Variants in HOGA1 observed in about 807,000 individuals in gnomAD.
HOGA1 encodes 4-hydroxy-2-oxoglutarate aldolase 1, also known as 4-hydroxy-2-oxoglutarate aldolase, mitochondrial.
HOGA1 carries 30 observed loss-of-function variants against 34.3 expected under a neutral mutation model. That is an observed-to-expected ratio of 0.87 (90% CI 0.65 to 1.19). HOGA1 has a LOEUF of 1.19. Among genes scored for constraint, HOGA1 ranks in the 50% most tolerant of loss-of-function variants. The probability of loss-of-function intolerance (pLI) is 0.00; values close to 1 mark genes in which losing one functional copy is unlikely to be tolerated. For synonymous variants in HOGA1, 161 were observed against 174.0 expected (o/e 0.93, Z 0.59); for missense variants, 417 against 436.5 (o/e 0.96, Z 0.40).
chr10:97,611,999 C>G lies in HOGA1; in HGVS notation c.*340C>G. ...GGAAGGGCAGAGGGGCAAGTAGGCACAGTAAGGGAATTTTCTTTTCTTTTT... is the reference window on the plus strand; with the variant it reads ...GGAAGGGCAGAGGGGCAAGTAGGCAGAGTAAGGGAATTTTCTTTTCTTTTT... On this transcript the variant is annotated 3_prime_UTR_variant, in exon 7 of 7. Coordinates refer to ENST00000370646, the MANE Select transcript of HOGA1 (RefSeq NM_138413.4). 2 of 255,922 alleles carry G rather than the reference C, an allele frequency of 7.8e-6. No individual in the cohort carries two copies. The highest frequency in any genetic ancestry group is 1.5e-5 in the Non-Finnish European group (2 of 133,660). The allele number at this position is 255,922 out of a possible 1,614,324, so 15.9% of individuals were successfully genotyped here. A position where few individuals can be genotyped will look rare whatever the true frequency, so the allele number is the denominator to read the frequency against.
In HOGA1 at chr10:97,603,907, A is replaced by C. The variant is rs898519887; in HGVS notation, c.834+1917A>C. ...TATAGATTCCCATGCAACTTTAAGA[A>C]CTAATACAAAGGGATCCCATGTACC... On this transcript the variant is annotated intron_variant, in intron 6 of 6. Transcript: ENST00000370646. This position sits in a 1 kb window ranked among gnomAD's most constrained non-coding sequence, Gnocchi z 4.5. 4.6e-5 allele frequency among the ~76,000 whole-genome samples: 7 copies of C among 152,202 alleles called. No individual in the cohort carries two copies. The highest frequency in any genetic ancestry group is 1.4e-4 in the African/African-American group (6 of 41,458).
At position 97,611,992 on chromosome 10, in the gene HOGA1, G is replaced by T; in HGVS notation, c.*333G>T. The T allele has an allele frequency of 1.1e-5, 3 of 284,794 alleles. No homozygotes were observed. The highest frequency in any genetic ancestry group is 1.3e-5 in the Non-Finnish European group (2 of 150,068). 17.6% of individuals were successfully genotyped at this position (284,794 alleles called of 1,614,324 possible). Reference sequence around the variant, plus strand: ...TCAGAAAGGAAGGGCAGAGGGGCAAGTAGGCACAGTAAGGGAATTTTCTTT... The same window carrying T: ...TCAGAAAGGAAGGGCAGAGGGGCAATTAGGCACAGTAAGGGAATTTTCTTT... On this transcript the variant is annotated 3_prime_UTR_variant, in exon 7 of 7. Transcript: ENST00000370646.
chr10:97,602,516 A>C (rs755142414), intron 6 of HOGA1: 597 of 985,408 alleles, frequency 6.1e-4, no homozygotes, highest in Non-Finnish European at 7.0e-4. Context: ...TTCAGAGAGA[A>C]CGCCCATCAA....
rs923453229 is a variant in HOGA1 at position 97,601,937 on chromosome 10, C to A, written c.781C>A (p.Gln261Lys). 6.2e-7 allele frequency: 1 copy of A among 1,613,168 alleles called. No homozygotes were observed. The highest frequency in any genetic ancestry group is 8.5e-7 in the Non-Finnish European group (1 of 1,179,954). The change falls in exon 6 of 7, where the codon CAA (glutamine) becomes AAA (lysine). Residue 261 changes from glutamine (Q) to lysine (K), a missense_variant. Physicochemically the swap from Gln to Lys is moderately conservative, Grantham distance 53. Coordinates refer to ENST00000370646, the MANE Select transcript of HOGA1 (RefSeq NM_138413.4). ...GCTGGAGCGACTGTGCTGCACGGGG[C>A]AATGGGAAGATGCCCAGAAACTGCA... The part of the protein sequence containing the change: ...CQLERLCCTG[Q>K]WEDAQKLQHR...
At position 97,601,997 on chromosome 10, in the gene HOGA1, C is replaced by A; in HGVS notation, c.834+7C>A. 1 of 1,610,314 alleles carries A rather than the reference C, an allele frequency of 6.2e-7. No homozygotes were observed. The highest frequency in any genetic ancestry group is 1.1e-5 in the South Asian group (1 of 90,286). On this transcript the variant is annotated splice_region_variant and intron_variant, in intron 6 of 6. Coordinates refer to ENST00000370646, the MANE Select transcript of HOGA1 (RefSeq NM_138413.4). ...CATTGAGCCAAACGCTGCGGTGAGC[C>A]AGTGGCAGCGGGGGCGCGGCCTGGC...
At chr10:97,598,690 A>AT (rs2041089537) in intron 1 of HOGA1, 85 bp from the exon 2 acceptor site, 1 of 1,521,068 alleles carries the variant, frequency 6.6e-7, no homozygotes, top group Non-Finnish European at 9.1e-7. Flanking sequence ...TGTGTGAAAG[A>AT]TTATGGTGTC....
chr10:97,598,646 TG>T, intron 1 of HOGA1, 128 bp from the exon 2 acceptor site: 1 of 1,191,060 alleles, frequency 8.4e-7, no homozygotes, highest in Non-Finnish European at 1.3e-6. Flanking sequence ...TGCAGCTGTG[TG>T]GGAACCTTCT....
In HOGA1 at chr10:97,611,601, T is replaced by C. The variant is rs758412400; in HGVS notation, c.926T>C (p.Leu309Pro). 1.2e-6 allele frequency: 2 copies of C among 1,614,196 alleles called. No homozygotes were observed. Among genetic ancestry groups the C allele is most frequent in the East Asian group, 4.5e-5 (2 of 44,882 alleles). Residue 309 changes from leucine (L) to proline (P), a missense_variant, in exon 7 of 7, where the codon CTG becomes CCG. Physicochemically the swap from Leu to Pro is moderately conservative, Grantham distance 98 (BLOSUM62 -3). Coordinates refer to ENST00000370646, the MANE Select transcript of HOGA1 (RefSeq NM_138413.4). ...CCCTGCCGCGCCCCCTTGCAGGAGC[T>C]GAGCCCCGCTGAGGAGGAGGCACTG... is the stretch of plus-strand genomic sequence containing the variant. ...GGPCRAPLQE[L>P]SPAEEEALRM...
intron 6 of HOGA1, chr10:97,602,218 T>A: frequency 6.6e-7 from 1 of 1,525,436 alleles, no homozygotes; most frequent in Non-Finnish European, 8.8e-7. Flanking sequence ...TAAAATTTCC[T>A]TGGGGGCGAA....
rs143213321 is a variant in HOGA1, at chr10:97,599,113, C to T, written c.365C>T (p.Thr122Ile). Residue 122 changes from threonine to isoleucine, a missense_variant, in exon 3 of 7, where the codon ACC (threonine) becomes ATC (isoleucine). Coordinates refer to ENST00000370646, the MANE Select transcript of HOGA1 (RefSeq NM_138413.4). ...CESTQATVEM[T>I]VSMAQVGADA... ...GCCACTCAAGCCACAGTGGAGATGA[C>T]CGTCAGCATGGCCCAGGTCGGGGCT... 46 of 1,613,496 alleles carry T rather than the reference C, an allele frequency of 2.9e-5. No homozygotes were observed. Among genetic ancestry groups the T allele is most frequent in the Non-Finnish European group, 3.6e-5 (43 of 1,180,030 alleles).
intron 6 of HOGA1, among the ~76,000 whole-genome samples, chr10:97,606,426 A>G (rs2135726900): frequency 6.6e-6 from 1 of 152,290 alleles, no homozygotes; most frequent in South Asian, 2.1e-4. Context: ...ATTTTTATAT[A>G]AAGTGTAAGA....
intron 6 of HOGA1, among the ~76,000 whole-genome samples, chr10:97,605,182 G>C (rs958697023): frequency 6.6e-6 from 1 of 152,112 alleles, no homozygotes; most frequent in Non-Finnish European, 1.5e-5. Flanking sequence ...GCTGAGGGGG[G>C]TCGAATGCTT....
chr10:97,584,506 G>A lies in HOGA1; in HGVS notation c.-198G>A. ...CATCTCTCTAGCTGCTACCCAGAAG[G>A]AACAGGGCCCCCTGGGGCCTATAGG... On this transcript the variant is annotated 5_prime_UTR_variant, in exon 1 of 7. Coordinates refer to ENST00000370646, the MANE Select transcript of HOGA1 (RefSeq NM_138413.4). 1.7e-6 allele frequency: 1 copy of A among 585,350 alleles called. No individual in the cohort carries two copies. Among genetic ancestry groups the A allele is most frequent in the Non-Finnish European group, 3.0e-6 (1 of 330,700 alleles). The allele number at this position is 585,350 out of a possible 1,614,324, so 36.3% of individuals were successfully genotyped here.
At position 97,599,180 on chromosome 10, in the gene HOGA1, C is replaced by A; in HGVS notation, c.432C>A (p.Arg144=). 1 of 1,613,910 alleles carries A rather than the reference C, an allele frequency of 6.2e-7. No homozygotes were observed. Among genetic ancestry groups the A allele is most frequent in the Non-Finnish European group, 8.5e-7 (1 of 1,180,018 alleles). The part of the protein sequence containing the change: ...MVVTPCYYRG[R]MSSAALIHHY... ...TGACCCCTTGCTACTATCGTGGCCG[C>A]ATGAGCAGTGCGGCCCTCATTCACC... Residue 144 remains arginine (R), a synonymous_variant, in exon 3 of 7, where the codon CGC becomes CGA. Coordinates refer to ENST00000370646, the MANE Select transcript of HOGA1 (RefSeq NM_138413.4).
intron 1 of HOGA1, among the ~76,000 whole-genome samples, chr10:97,586,480 C>T (rs565798165): frequency 1.3e-5 from 2 of 152,334 alleles, no homozygotes; most frequent in Admixed American, 1.3e-4. Flanking sequence ...CTGTGGAGGG[C>T]CACGTTGAGC....
intron 1 of HOGA1, among the ~76,000 whole-genome samples, chr10:97,589,210 G>A (rs2040997828): frequency 6.6e-6 from 1 of 151,974 alleles, no homozygotes; most frequent in Non-Finnish European, 1.5e-5. Flanking sequence ...CTCCTTCCTG[G>A]GTTCTTTTCC....
In HOGA1 at chr10:97,584,570, C is replaced by T. The variant is rs749265107; in HGVS notation, c.-134C>T. ...CCTGGGAACACCCAGCTCAGGCCTG[C>T]CCCAGTGGCCACAAGTCAGGGAGGC... is the stretch of plus-strand genomic sequence containing the variant. On this transcript the variant is annotated 5_prime_UTR_variant, in exon 1 of 7. Coordinates refer to ENST00000370646, the MANE Select transcript of HOGA1 (RefSeq NM_138413.4). 30 of 781,754 alleles carry T rather than the reference C, an allele frequency of 3.8e-5. No homozygotes were observed. Among genetic ancestry groups the T allele is most frequent in the Non-Finnish European group, 6.3e-5 (30 of 473,886 alleles). 48.4% of individuals were successfully genotyped at this position (781,754 alleles called of 1,614,324 possible).
Position 97,603,255 on chromosome 10 carries a change from C to T in HOGA1, c.834+1265C>T, listed in dbSNP as rs1241732437. Among the ~76,000 whole-genome samples the T allele has an allele frequency of 3.3e-5, 5 of 152,026 alleles. No individual in the cohort carries two copies. The highest frequency in any genetic ancestry group is 2.6e-4 in the Admixed American group (4 of 15,264). Reference sequence around the variant, plus strand: ...CTAACCTCAAGTGATCCTCCTGCCTCGGCCTCCCAATCTTTTTTCTTTTAT... The same window carrying T: ...CTAACCTCAAGTGATCCTCCTGCCTTGGCCTCCCAATCTTTTTTCTTTTAT... On this transcript the variant is annotated intron_variant, in intron 6 of 6. Coordinates refer to ENST00000370646, the MANE Select transcript of HOGA1 (RefSeq NM_138413.4). The surrounding 1 kb of genome is among the most constrained non-coding windows in gnomAD (Gnocchi z 4.5).
intron 2 of HOGA1, 32 bp downstream of exon 2, chr10:97,598,935 G>C: frequency 6.2e-7 from 1 of 1,612,578 alleles, no homozygotes; most frequent in Non-Finnish European, 8.5e-7. Flanking sequence ...CCTGGGGGTG[G>C]GTGGATGTGC....
Sources: allele counts gnomAD v4.1 joint callset (sites outside exome capture counted in the v4.1 genomes callset), GRCh38; gene constraint gnomAD v4.1.1; non-coding constraint Gnocchi (gnomAD v3.1); transcripts MANE v1.5; gene names NCBI Gene and HGNC (gene_info 2026-07-23, HGNC 2026-07-21).